The following CSGALNACT1 variants were observed in gnomAD, a reference collection of about 807,000 sequenced individuals.
CSGALNACT1 encodes the protein beta4GalNAcT-1.
A neutral mutation model predicts 51.0 loss-of-function variants in CSGALNACT1; 52 were observed. The observed-to-expected ratio is 1.02, with a 90% confidence interval of 0.82 to 1.29. The LOEUF (loss-of-function observed/expected upper bound fraction) is 1.29, where lower values mean the gene tolerates loss of function less well. Among genes scored for constraint, CSGALNACT1 ranks in the 50% most tolerant of loss-of-function variants. CSGALNACT1 has a pLI of 0.00. For missense variants in CSGALNACT1, 935 were observed against 679.2 expected, an observed-to-expected ratio of 1.38 and a Z score of -4.19; for synonymous variants, 341 against 254.4, an observed-to-expected ratio of 1.34 and a Z score of -3.24.
At chr8:19,472,848 A>G (rs1263767066) in intron 4 of CSGALNACT1, among the ~76,000 whole-genome samples, 1 of 152,228 alleles carries the variant, frequency 6.6e-6, no homozygotes, top group Non-Finnish European at 1.5e-5. Context: ...ATTTCTTTAT[A>G]TTTAAAATAT....
At chr8:19,466,632 G>GT (rs549714544) in intron 4 of CSGALNACT1, among the ~76,000 whole-genome samples, 1 of 152,212 alleles carries the variant, frequency 6.6e-6, no homozygotes, top group African/African-American at 2.4e-5. Flanking sequence ...CCTGTCAGCT[G>GT]TTTTTATAGG....
At chr8:19,496,379 A>T (rs1201301465) in intron 4 of CSGALNACT1, among the ~76,000 whole-genome samples, 1 of 152,152 alleles carries the variant, frequency 6.6e-6, no homozygotes, top group Non-Finnish European at 1.5e-5. Flanking sequence ...CATGAGTAAA[A>T]ACAACACACC....
chr8:19,532,108 G>C (rs959206973), intron 3 of CSGALNACT1: 1 of 151,962 alleles, frequency 6.6e-6, no homozygotes, highest in Non-Finnish European at 1.5e-5. Context: ...TTGGCTGGTA[G>C]GAGAGCACAG....
chr8:19,439,563 G>A (rs763261381), intron 6 of CSGALNACT1, among the ~76,000 whole-genome samples: 15 of 152,132 alleles, frequency 9.9e-5, no homozygotes, highest in Admixed American at 2.6e-4. Context: ...AAGCTCAAAG[G>A]AGCTCACACT....
chr8:19,622,808 A>G (rs2053987285), intron 1 of CSGALNACT1, among the ~76,000 whole-genome samples: 1 of 152,234 alleles, frequency 6.6e-6, no homozygotes, highest in African/African-American at 2.4e-5. Context: ...AAAGGAGAAA[A>G]AAAGAAACAA....
chr8:19,754,028 C>T (rs906295549), intron 1 of CSGALNACT1, among the ~76,000 whole-genome samples: 3 of 136,694 alleles, frequency 2.2e-5, no homozygotes, highest in African/African-American at 8.3e-5. Flanking sequence ...AGGTGAGATT[C>T]AATGTGGCTC....
intron 1 of CSGALNACT1, among the ~76,000 whole-genome samples, chr8:19,645,427 G>C (rs1385595140): frequency 1.3e-5 from 2 of 152,200 alleles, no homozygotes; most frequent in East Asian, 3.8e-4. Context: ...GGTGGAAATT[G>C]TCTAGATTTT....
intron 1 of CSGALNACT1, among the ~76,000 whole-genome samples, chr8:19,645,071 A>C (rs1443195381): frequency 1.3e-5 from 2 of 152,220 alleles, no homozygotes; most frequent in Admixed American, 6.5e-5. Context: ...TAAAAATAAA[A>C]TCATCAATAA....
At chr8:19,673,560 C>T (rs1350496961) in intron 1 of CSGALNACT1, among the ~76,000 whole-genome samples, 1 of 152,172 alleles carries the variant, frequency 6.6e-6, no homozygotes, top group Non-Finnish European at 1.5e-5. Flanking sequence ...AGAGTGAAAG[C>T]CACGTGTATT....
chr8:19,498,268 T>G (rs1386046153), intron 4 of CSGALNACT1, among the ~76,000 whole-genome samples: 2 of 152,194 alleles, frequency 1.3e-5, no homozygotes, highest in Admixed American at 6.5e-5. Context: ...GGGGACATTC[T>G]GCACACATGA....
At chr8:19,542,395 G>A (rs1052951252) in intron 3 of CSGALNACT1, among the ~76,000 whole-genome samples, 3 of 152,106 alleles carry the variant, frequency 2.0e-5, no homozygotes, top group African/African-American at 2.4e-5. Flanking sequence ...CAGTATTAGC[G>A]GCAAAGGAAT....
At chr8:19,648,138 A>G (rs1299530868) in intron 1 of CSGALNACT1, among the ~76,000 whole-genome samples, 1 of 152,220 alleles carries the variant, frequency 6.6e-6, no homozygotes, top group African/African-American at 2.4e-5. Flanking sequence ...GTTCCTCTAA[A>G]AACAGCTCAC....
intron 2 of CSGALNACT1, among the ~76,000 whole-genome samples, chr8:19,593,836 G>A (rs1281496667): frequency 6.6e-6 from 1 of 152,158 alleles, no homozygotes; most frequent in Non-Finnish European, 1.5e-5. Context: ...AGGGCTGGAT[G>A]AGAGCCCACT....
At chr8:19,697,447 C>T (rs2061640884) in intron 1 of CSGALNACT1, among the ~76,000 whole-genome samples, 1 of 152,120 alleles carries the variant, frequency 6.6e-6, no homozygotes, top group African/African-American at 2.4e-5. Context: ...CCAGACAGAA[C>T]CACAAGTCAC....
At chr8:19,566,133 A>C (rs2041861212) in intron 3 of CSGALNACT1, among the ~76,000 whole-genome samples, 1 of 152,224 alleles carries the variant, frequency 6.6e-6, no homozygotes, top group Admixed American at 6.5e-5. Flanking sequence ...AAAAGATATA[A>C]TAGAGTTCAT....
At chr8:19,456,535 T>C (rs1015804247) in intron 5 of CSGALNACT1, among the ~76,000 whole-genome samples, 3 of 152,230 alleles carry the variant, frequency 2.0e-5, no homozygotes, top group Non-Finnish European at 4.4e-5. Context: ...TCAGTCATTC[T>C]GGAGATGTAA....
At chr8:19,440,483 T>C (rs1005221469) in intron 5 of CSGALNACT1, among the ~76,000 whole-genome samples, 4 of 151,826 alleles carry the variant, frequency 2.6e-5, no homozygotes, top group East Asian at 1.9e-4. Flanking sequence ...ATTATCTCAA[T>C]AGATGCAGAA....
At chr8:19,680,276 C>T (rs4990627) in intron 1 of CSGALNACT1, among the ~76,000 whole-genome samples, 36,706 of 152,072 alleles carry the variant, frequency 0.24, 4,551 homozygotes, top group Admixed American at 0.31. Flanking sequence ...CAAATATAGG[C>T]CTGGAATGGT....
rs979171475 is a variant in CSGALNACT1 at position 19,673,310 on chromosome 8, A to AGT, written c.-544+9162_-544+9163insAC. On this transcript the variant is annotated intron_variant, in intron 1 of 9. Transcript: ENST00000332246. ...CACAACTAACCTGGCTGTGTTTCAA[A>AGT]GGCACTGAAAGTGGAGAAGGTGAAG... is the stretch of plus-strand genomic sequence containing the variant. Among the ~76,000 whole-genome samples the AGT allele has an allele frequency of 3.1e-3, 473 of 152,350 alleles. 1 individual carries two copies. The highest frequency in any genetic ancestry group is 0.011 in the African/African-American group (439 of 41,586).
Sources: gnomAD v4.1 joint callset for allele counts (sites outside exome capture counted in the v4.1 genomes callset) on GRCh38, gnomAD v4.1.1 for gene constraint, MANE v1.5 for transcripts, NCBI Gene and HGNC (gene_info 2026-07-23, HGNC 2026-07-21) for gene names.